The following FBN2 variants were observed in gnomAD, a reference collection of about 807,000 sequenced individuals.
The protein encoded by FBN2 is fibrillin-2.
FBN2 carries 105 observed loss-of-function variants against 355.6 expected under a neutral mutation model. That is an observed-to-expected ratio of 0.30 (90% CI 0.25 to 0.35). FBN2 has a LOEUF of 0.35. Among genes scored for constraint, FBN2 ranks in the 10% least tolerant of loss-of-function variants. FBN2 has a pLI of 1.00. For missense variants in FBN2, 3,280 were observed against 3,758.7 expected (o/e 0.87, Z 3.33); for synonymous variants, 1,350 against 1,301.2 (o/e 1.04, Z -0.81).
chr5:128,305,904 C>T lies in FBN2; in HGVS notation c.5467G>A (p.Val1823Met). The change falls in exon 43 of 65, where the codon GTG becomes ATG. Residue 1823 changes from valine to methionine, a missense_variant. Coordinates refer to ENST00000262464, the MANE Select transcript of FBN2 (RefSeq NM_001999.4). ...AAACTGCCAATCTGGTTAATGCACA[C>T]ACCATTTGCACAAATGCCTGGAATC... ...KEIPGICANG[V>M]CINQIGSFRC... The T allele has an allele frequency of 6.2e-7, 1 of 1,613,700 alleles. No homozygotes were observed. Among genetic ancestry groups the T allele is most frequent in the Non-Finnish European group, 8.5e-7 (1 of 1,179,640 alleles).
chr5:128,347,166 C>T (rs1751205170), intron 23 of FBN2, among the ~76,000 whole-genome samples: 1 of 152,122 alleles, frequency 6.6e-6, no homozygotes, highest in African/African-American at 2.4e-5. Context: ...AAGAAACCTG[C>T]TCAAGAAGCT....
At chr5:128,395,071 T>C (rs1389933353) in intron 9 of FBN2, 51 bp downstream of exon 9, 2 of 1,604,286 alleles carry the variant, frequency 1.2e-6, no homozygotes, top group Non-Finnish European at 1.7e-6. Context: ...GTACTGCTAC[T>C]AATTTTCCTA....
rs1372203787 is a variant in FBN2, at chr5:128,345,411, C to T, written c.3163G>A (p.Gly1055Arg). The T allele has an allele frequency of 4.3e-6, 7 of 1,614,148 alleles. No homozygotes were observed. Among genetic ancestry groups the T allele is most frequent in the South Asian group, 1.1e-5 (1 of 91,086 alleles). ...TKEYETLCPR[G>R]AGFANRGDVL... ...TCCCCTCGGTTAGCAAAGCCAGCCC[C>T]GCGGGGGCACAGCGTCTCGTATTCC... The change falls in exon 24 of 65, where the codon GGG becomes AGG. Residue 1055 changes from glycine (G) to arginine (R), a missense_variant. By Grantham distance (125) the Gly-to-Arg change is moderately radical (BLOSUM62 -2). Around this residue, in one of 6 missense-constraint regions of FBN2, gnomAD observed 2,284 missense variants for 2,749.5 expected, o/e 0.83. Transcript: ENST00000262464.
chr5:128,259,247 C>A lies in FBN2; in HGVS notation c.*208G>T, dbSNP rs1014871763. 1.0e-5 allele frequency: 6 copies of A among 594,048 alleles called. No individual in the cohort carries two copies. Among genetic ancestry groups the A allele is most frequent in the Non-Finnish European group, 1.8e-5 (6 of 337,952 alleles). 36.8% of individuals were successfully genotyped at this position (594,048 alleles called of 1,614,324 possible). ...TGAAGTTATATAAAAAATACAGTAA[C>A]CACGGTTGCCTTTGTGCTCAAATCT... On this transcript the variant is annotated 3_prime_UTR_variant, in exon 65 of 65. Coordinates refer to ENST00000262464, the MANE Select transcript of FBN2 (RefSeq NM_001999.4).
intron 48 of FBN2, among the ~76,000 whole-genome samples, chr5:128,300,297 A>G (rs1749677019): frequency 6.6e-6 from 1 of 152,232 alleles, no homozygotes; most frequent in Non-Finnish European, 1.5e-5. Context: ...TCTGGGACAC[A>G]CTTTTGATGT....
At position 128,301,479 on chromosome 5, in the gene FBN2, C is replaced by G. The variant is rs780889537; in HGVS notation, c.5949G>C (p.Gln1983His). Residue 1983 changes from glutamine (Q) to histidine (H), a missense_variant, in exon 47 of 65, where the codon CAG becomes CAC. Gln to His is a conservative substitution (Grantham distance 24). Transcript: ENST00000262464. Reference protein sequence around the residue: ...DIDECSSFFGQVCRNGRCFNE... With the variant: ...DIDECSSFFGHVCRNGRCFNE... ...TAAAACAACGTCCATTTCTGCACAC[C>G]TGACCAAAAAAGGAACTGCACTCAT... The G allele has an allele frequency of 3.7e-6, 6 of 1,613,338 alleles. No individual in the cohort carries two copies. In the South Asian group the frequency reaches 4.4e-5, roughly 12 times the overall value.
intron 38 of FBN2, 87 bp downstream of exon 38, chr5:128,311,798 C>T (rs1033450914): frequency 5.5e-6 from 5 of 913,746 alleles, no homozygotes; most frequent in African/African-American, 3.2e-5. Context: ...CTTGTCGGGG[C>T]TGCTCTGCCC....
Position 128,290,775 on chromosome 5 carries a change from C to T in FBN2, c.6402G>A (p.Glu2134=), listed in dbSNP as rs764662454. 6.2e-7 allele frequency: 1 copy of T among 1,614,166 alleles called. No individual in the cohort carries two copies. The highest frequency in any genetic ancestry group is 1.1e-5 in the South Asian group (1 of 91,086). ...ACAGCTCACAGGGGTCCCCCCAGCC[C>T]TCTCCTGGCATCTTACTACAGCAGC... ...AKCCCSKMPG[E]GWGDPCELCP... Residue 2134 remains glutamate (E), a synonymous_variant, in exon 50 of 65, where the codon GAG becomes GAA. Transcript: ENST00000262464.
At chr5:128,426,927 G>C (rs1215577014) in intron 7 of FBN2, among the ~76,000 whole-genome samples, 1 of 152,096 alleles carries the variant, frequency 6.6e-6, no homozygotes, top group Non-Finnish European at 1.5e-5. Context: ...AAATGTTCTA[G>C]GGCTCAGCAC....
At chr5:128,281,845 C>T (rs1488374177) in intron 55 of FBN2, among the ~76,000 whole-genome samples, 1 of 152,036 alleles carries the variant, frequency 6.6e-6, no homozygotes, top group East Asian at 1.9e-4. Context: ...GCCACCACGC[C>T]CAGCTAATTT....
rs574486155 is a variant in FBN2 at position 128,462,593 on chromosome 5, G to A, written c.826+2131C>T. On this transcript the variant is annotated intron_variant, in intron 6 of 64. Transcript: ENST00000262464. ...ATGGAGCCTGAAACTTATCTTTGAT[G>A]CATAAACCAAATCAAATAAGTAATC... 4.6e-5 allele frequency among the ~76,000 whole-genome samples: 7 copies of A among 152,228 alleles called. No homozygotes were observed. In the East Asian group the frequency reaches 1.3e-3, roughly 29 times the overall value.
chr5:128,287,107 C>T (rs868679788), intron 54 of FBN2, among the ~76,000 whole-genome samples: 25 of 152,138 alleles, frequency 1.6e-4, no homozygotes, highest in African/African-American at 4.6e-4. Context: ...GGCTTCTCAA[C>T]CCATCTTATC....
chr5:128,478,772 ATAT>A (rs1450794064), intron 5 of FBN2, among the ~76,000 whole-genome samples: 1 of 152,212 alleles, frequency 6.6e-6, no homozygotes, highest in East Asian at 1.9e-4. Flanking sequence ...GTGGTCAAAT[ATAT>A]TACAAGTTGA....
At chr5:128,514,005 C>T (rs923785930) in intron 5 of FBN2, among the ~76,000 whole-genome samples, 21 of 148,592 alleles carry the variant, frequency 1.4e-4, no homozygotes, top group Non-Finnish European at 2.4e-4. Flanking sequence ...CTCTTCTTAA[C>T]GGCCTCACAA....
intron 25 of FBN2, among the ~76,000 whole-genome samples, chr5:128,342,218 G>C (rs944393796): frequency 1.3e-5 from 2 of 152,000 alleles, no homozygotes; most frequent in African/African-American, 4.8e-5. Context: ...CCAAGAAATG[G>C]GAAAGGCAAG....
chr5:128,383,734 A>C (rs1229058477), intron 11 of FBN2, among the ~76,000 whole-genome samples: 1 of 152,110 alleles, frequency 6.6e-6, no homozygotes, highest in African/African-American at 2.4e-5. Flanking sequence ...CATTAGAGAA[A>C]TGTAAATTAA....
At chr5:128,384,745 A>G (rs939855398) in intron 11 of FBN2, among the ~76,000 whole-genome samples, 2 of 152,094 alleles carry the variant, frequency 1.3e-5, no homozygotes, top group African/African-American at 4.8e-5. Context: ...CTGGGGACCA[A>G]AAATCTACTT....
chr5:128,401,280 T>C (rs1039678781), intron 8 of FBN2, among the ~76,000 whole-genome samples: 2 of 152,190 alleles, frequency 1.3e-5, no homozygotes, highest in African/African-American at 4.8e-5. Flanking sequence ...CATTGAACAC[T>C]GCAATGTAAC....
At chr5:128,521,036 T>C (rs1259255011) in intron 4 of FBN2, among the ~76,000 whole-genome samples, 1 of 152,154 alleles carries the variant, frequency 6.6e-6, no homozygotes, top group Non-Finnish European at 1.5e-5. Flanking sequence ...TAGAAACAAC[T>C]GCCAGGATTT....
Sources: allele counts gnomAD v4.1 joint callset (sites outside exome capture counted in the v4.1 genomes callset), GRCh38; gene constraint gnomAD v4.1.1; regional missense constraint gnomAD v4.1.1; transcripts MANE v1.5; gene names NCBI Gene and HGNC (gene_info 2026-07-23, HGNC 2026-07-21).